Variants in TRAPPC2L observed in about 807,000 individuals in gnomAD.
TRAPPC2L encodes trafficking protein particle complex subunit 2-like protein.
Under a neutral mutation model 13.2 loss-of-function variants are expected in TRAPPC2L, and 17 were observed. The observed-to-expected ratio is 1.29, with a 90% CI of 0.88 to 1.93. TRAPPC2L has a LOEUF of 1.93. TRAPPC2L is among the 30% of genes most tolerant of loss of function. The probability of loss-of-function intolerance (pLI) is 0.00; values close to 1 mark genes in which losing one functional copy is unlikely to be tolerated. For missense variants in TRAPPC2L, 359 were observed against 252.1 expected, an observed-to-expected ratio of 1.42 and a Z score of -2.87; for synonymous variants, 150 against 98.1, an observed-to-expected ratio of 1.53 and a Z score of -3.12.
rs1968319615 is a variant in TRAPPC2L, at chr16:88,860,644, C to G, written c.*320C>G. ...CTGGGCTGCACAGGGCCATCCTTGCCACACCACCGCTCTGCCTGCCCATGC... is the reference window on the plus strand; with the variant it reads ...CTGGGCTGCACAGGGCCATCCTTGCGACACCACCGCTCTGCCTGCCCATGC... On this transcript the variant is annotated 3_prime_UTR_variant, in exon 4 of 4. Coordinates refer to ENST00000565504, the Ensembl canonical transcript of TRAPPC2L. 6.7e-6 allele frequency: 4 copies of G among 595,854 alleles called. No individual in the cohort carries two copies. The East Asian group carries it at 1.1e-4, about 17-fold the overall frequency. The allele number at this position is 595,854 out of a possible 1,614,324, so 36.9% of individuals were successfully genotyped here.
chr16:88,859,468 G>T, intron 2 of TRAPPC2L, 195 bp from the exon 3 acceptor site: 3 of 707,818 alleles, frequency 4.2e-6, no homozygotes, highest in South Asian at 3.0e-5. Flanking sequence ...CCTGCTCTTC[G>T]CTTCTCCTGC....
exon 4 of TRAPPC2L, chr16:88,860,258 C>T: frequency 1.4e-6 from 1 of 702,364 alleles, no homozygotes; most frequent in Non-Finnish European, 2.6e-6. Flanking sequence ...GGGGCACCTG[C>T]AGGACTCAGG....
upstream of TRAPPC2L, chr16:88,856,728 G>A (rs973212293): frequency 1.3e-5 from 10 of 776,082 alleles, no homozygotes; most frequent in Non-Finnish European, 2.0e-5. Context: ...CCCCACCCCG[G>A]CCCTGCCCCG....
chr16:88,861,527 C>G (rs570766417), exon 4 of TRAPPC2L: 3 of 400,008 alleles, frequency 7.5e-6, no homozygotes, highest in African/African-American at 6.3e-5. Flanking sequence ...CTCGTGGCCC[C>G]GCGGCGTTGG....
chr16:88,856,874 C>A (rs747592738), upstream of TRAPPC2L: 6 of 1,508,870 alleles, frequency 4.0e-6, no homozygotes, highest in South Asian at 7.4e-5. Flanking sequence ...ACAACCGCCG[C>A]CATGGCAACC....
chr16:88,859,024 C>T, intron 2 of TRAPPC2L: 1 of 555,228 alleles, frequency 1.8e-6, no homozygotes, highest in Non-Finnish European at 3.2e-6. Flanking sequence ...TTGCACGTGT[C>T]CGTTGTCTGG....
At chr16:88,861,514 A>G (rs1968387630) in exon 4 of TRAPPC2L, 2 of 376,694 alleles carry the variant, frequency 5.3e-6, no homozygotes, top group Non-Finnish European at 1.1e-5. Context: ...AAACCTGGGA[A>G]GCCTCGTGGC....
At position 88,858,665 on chromosome 16, in the gene TRAPPC2L, AG is replaced by A; in HGVS notation, c.81del (p.Lys27AsnfsTer52). ...AGCACCCCTACGGAGAACGAGCTGA[AG>A]TTCCACTACATGGTGCACACATCTC... On this transcript the variant is annotated frameshift_variant, in exon 2 of 4. Transcript: ENST00000565504. LOFTEE classifies it high-confidence loss of function. 1 of 1,613,550 alleles carries A rather than the reference AG, an allele frequency of 6.2e-7. No individual in the cohort carries two copies. Among genetic ancestry groups the A allele is most frequent in the Non-Finnish European group, 8.5e-7 (1 of 1,179,986 alleles).
chr16:88,860,132 C>T (rs1436668349), exon 4 of TRAPPC2L: 9 of 734,866 alleles, frequency 1.2e-5, no homozygotes, highest in East Asian at 5.3e-5. Context: ...CACAAAGCCC[C>T]GTTTCTCCAC....
chr16:88,856,903 C>A (rs1451204446), upstream of TRAPPC2L: 6 of 1,498,742 alleles, frequency 4.0e-6, no homozygotes, highest in South Asian at 1.2e-5. Flanking sequence ...CGCGGAGCCC[C>A]GGCCAGCGAG....
chr16:88,861,788 G>C, exon 4 of TRAPPC2L: 1 of 407,944 alleles, frequency 2.5e-6, no homozygotes, highest in Non-Finnish European at 5.0e-6. Flanking sequence ...AGTTTCTCAA[G>C]GACCTTGAGG....
At chr16:88,859,750 C>G in exon 3 of TRAPPC2L, 1 of 1,613,412 alleles carries the variant, frequency 6.2e-7, no homozygotes, top group Non-Finnish European at 8.5e-7. Context: ...AAATTCGCAG[C>G]GTAAGTCAGG....
intron 2 of TRAPPC2L, 147 bp from the exon 3 acceptor site, chr16:88,859,516 G>A (rs945198324): frequency 6.1e-6 from 5 of 815,058 alleles, no homozygotes; most frequent in African/African-American, 5.0e-5. Context: ...ATTTAGGCTT[G>A]TACCCAGCAC....
At chr16:88,861,828 T>C (rs1968412258) in exon 4 of TRAPPC2L, 2 of 356,694 alleles carry the variant, frequency 5.6e-6, no homozygotes, top group Non-Finnish European at 1.1e-5. Context: ...CAGGAAAGGC[T>C]GTAAGGGGGG....
At chr16:88,861,255 G>A (rs1968368942) in exon 4 of TRAPPC2L, 1 of 450,256 alleles carries the variant, frequency 2.2e-6, no homozygotes, top group African/African-American at 2.0e-5. Context: ...CAGAGGCAGG[G>A]GTGCCTGGAG....
chr16:88,856,919 C>A (rs1433642862), upstream of TRAPPC2L: 10 of 1,486,070 alleles, frequency 6.7e-6, no homozygotes, highest in Admixed American at 4.6e-5. Flanking sequence ...GCGAGCCGAC[C>A]TAGCGAGCGT....
At chr16:88,856,698 A>G, upstream of TRAPPC2L, 3 of 402,492 alleles carry the variant, frequency 7.5e-6, no homozygotes, top group East Asian at 1.2e-4. Context: ...TCCTCCCTCC[A>G]TCCGCCCCTC....
At chr16:88,857,249 T>C in intron 1 of TRAPPC2L, 66 bp downstream of exon 1, 1 of 1,394,342 alleles carries the variant, frequency 7.2e-7, no homozygotes, top group Non-Finnish European at 9.6e-7. Flanking sequence ...TCTTTCTACT[T>C]CTTCCCTGGG....
upstream of TRAPPC2L, chr16:88,856,626 C>A (rs1257117763): frequency 3.8e-6 from 2 of 531,668 alleles, no homozygotes; most frequent in African/African-American, 2.1e-5. Context: ...GGGCCTCCCC[C>A]CTTCCCCAAG....
Sources: gnomAD v4.1 joint callset for allele counts on GRCh38, gnomAD v4.1.1 for gene constraint, MANE v1.5 for transcripts, NCBI Gene and HGNC (gene_info 2026-07-23, HGNC 2026-07-21) for gene names.